NRG3: variants seen among roughly 807,000 people sequenced by gnomAD.
NRG3 encodes neuregulin 3.
NRG3 carries 31 observed loss-of-function variants against 66.9 expected under a neutral mutation model. That is an observed-to-expected ratio of 0.46 (90% CI 0.35 to 0.63). The LOEUF (loss-of-function observed/expected upper bound fraction) is 0.63. Ranked by LOEUF, NRG3 falls within the 20% of genes least tolerant of loss-of-function variation. The pLI is 0.00. For missense variants in NRG3, 910 were observed against 878.9 expected (o/e 1.04, Z -0.45); for synonymous variants, 393 against 359.4 (o/e 1.09, Z -1.06).
intron 1 of NRG3, among the ~76,000 whole-genome samples, chr10:82,321,122 T>G (rs2081545199): frequency 6.6e-6 from 1 of 152,222 alleles, no homozygotes; most frequent in Non-Finnish European, 1.5e-5. Context: ...CACTGTAACA[T>G]GCCCCCTGGG....
At chr10:82,774,839 T>C (rs2135211985) in intron 3 of NRG3, among the ~76,000 whole-genome samples, 1 of 144,396 alleles carries the variant, frequency 6.9e-6, no homozygotes, top group Non-Finnish European at 1.5e-5. Flanking sequence ...TTTTTTTTTT[T>C]TTTGAGATGG....
intron 3 of NRG3, among the ~76,000 whole-genome samples, chr10:82,784,329 A>T (rs1378686714): frequency 6.6e-6 from 1 of 151,060 alleles, no homozygotes; most frequent in Admixed American, 6.6e-5. Flanking sequence ...CACCAAAAGC[A>T]ATGGCAACAA....
At chr10:81,957,243 G>C (rs1182283059) in intron 1 of NRG3, among the ~76,000 whole-genome samples, 1 of 152,128 alleles carries the variant, frequency 6.6e-6, no homozygotes, top group Non-Finnish European at 1.5e-5. Flanking sequence ...GACTGTGAAT[G>C]TGAATAAAAC....
At chr10:82,454,003 C>G (rs1226098219) in intron 2 of NRG3, among the ~76,000 whole-genome samples, 1 of 152,166 alleles carries the variant, frequency 6.6e-6, no homozygotes, top group Non-Finnish European at 1.5e-5. Context: ...ATCCAAAGCT[C>G]TCTTTCATAA....
chr10:82,323,130 C>G (rs1335220938), intron 1 of NRG3, among the ~76,000 whole-genome samples: 1 of 152,190 alleles, frequency 6.6e-6, no homozygotes, highest in Non-Finnish European at 1.5e-5. Context: ...TACTTTCAGT[C>G]TCTAAATTAT....
At chr10:82,381,431 A>G (rs1478853666) in intron 2 of NRG3, among the ~76,000 whole-genome samples, 1 of 152,142 alleles carries the variant, frequency 6.6e-6, no homozygotes, top group Non-Finnish European at 1.5e-5. Flanking sequence ...CATAGCTATC[A>G]TACCCCATTT....
chr10:82,933,611 G>C (rs1847791862), intron 4 of NRG3, among the ~76,000 whole-genome samples: 1 of 152,080 alleles, frequency 6.6e-6, no homozygotes. Flanking sequence ...TCCTAGAACA[G>C]TTTCTAATGT....
chr10:81,958,575 T>C (rs1213137460), intron 1 of NRG3, among the ~76,000 whole-genome samples: 1 of 152,172 alleles, frequency 6.6e-6, no homozygotes, highest in Non-Finnish European at 1.5e-5. Flanking sequence ...ATTTTACTCA[T>C]ATGCGTAAAG....
At chr10:82,623,290 C>T (rs1482403561) in intron 2 of NRG3, among the ~76,000 whole-genome samples, 3 of 152,144 alleles carry the variant, frequency 2.0e-5, no homozygotes, top group Non-Finnish European at 4.4e-5. Flanking sequence ...CAGAATTGGT[C>T]TCTGAGCCCC....
chr10:82,305,321 T>G (rs1025772184), intron 1 of NRG3, among the ~76,000 whole-genome samples: 1 of 152,072 alleles, frequency 6.6e-6, no homozygotes, highest in Non-Finnish European at 1.5e-5. Flanking sequence ...TAAAGCAGGT[T>G]TATAATGTAT....
At chr10:82,763,586 G>T (rs1270347245) in intron 3 of NRG3, among the ~76,000 whole-genome samples, 2 of 151,750 alleles carry the variant, frequency 1.3e-5, no homozygotes, top group Non-Finnish European at 2.9e-5. Flanking sequence ...TACGAGTAAA[G>T]AACATTATCA....
intron 2 of NRG3, among the ~76,000 whole-genome samples, chr10:82,605,495 A>G (rs1009147228): frequency 3.3e-5 from 5 of 151,930 alleles, no homozygotes; most frequent in Non-Finnish European, 7.4e-5. Context: ...ATTTTTGATA[A>G]TTTTTATATA....
chr10:82,349,628 G>T (rs1437485609), intron 1 of NRG3, among the ~76,000 whole-genome samples: 6 of 152,068 alleles, frequency 3.9e-5, no homozygotes, highest in East Asian at 3.9e-4. Flanking sequence ...GTTTACCTAA[G>T]CAAGCCTGGG....
intron 2 of NRG3, among the ~76,000 whole-genome samples, chr10:82,723,967 G>A (rs1013403416): frequency 1.3e-5 from 2 of 150,140 alleles, no homozygotes; most frequent in Admixed American, 6.7e-5. Flanking sequence ...GCGACAGAGC[G>A]AGACTCCATC....
At chr10:82,032,995 A>AT (rs2062637806) in intron 1 of NRG3, among the ~76,000 whole-genome samples, 2 of 152,148 alleles carry the variant, frequency 1.3e-5, no homozygotes. Flanking sequence ...AAATGAACAC[A>AT]TATTAAATAT....
intron 1 of NRG3, among the ~76,000 whole-genome samples, chr10:81,968,086 C>T (rs1564698441): frequency 6.6e-6 from 1 of 152,102 alleles, no homozygotes; most frequent in Non-Finnish European, 1.5e-5. Context: ...GATTAAAAAC[C>T]ACAGAATGTC....
chr10:82,014,005 A>C (rs1444785789), intron 1 of NRG3, among the ~76,000 whole-genome samples: 2 of 152,308 alleles, frequency 1.3e-5, no homozygotes, highest in East Asian at 3.9e-4. Flanking sequence ...CTGAGAGTAG[A>C]AGCGTTTGGG....
Position 82,822,525 on chromosome 10 carries a change from A to G in NRG3, c.1028-42886A>G, listed in dbSNP as rs137928071. Among the ~76,000 whole-genome samples, 13 of 152,068 alleles carry G rather than the reference A, an allele frequency of 8.5e-5. No homozygotes were observed. In the East Asian group the frequency reaches 2.5e-3, roughly 29 times the overall value. Reference sequence around the variant, plus strand: ...TCTGGGGTCATAACTTGCTCTACACAATTGTTCTGAAGGTGATTGCAGGTG... The same window carrying G: ...TCTGGGGTCATAACTTGCTCTACACGATTGTTCTGAAGGTGATTGCAGGTG... On this transcript the variant is annotated intron_variant, in intron 3 of 8. Transcript: ENST00000372141.
At chr10:82,453,008 A>G (rs911455750) in intron 2 of NRG3, among the ~76,000 whole-genome samples, 1 of 152,120 alleles carries the variant, frequency 6.6e-6, no homozygotes, top group African/African-American at 2.4e-5. Flanking sequence ...AGACAGTTCT[A>G]TACTCTAAAA....
Sources: gnomAD v4.1 joint callset for allele counts (sites outside exome capture counted in the v4.1 genomes callset) on GRCh38, gnomAD v4.1.1 for gene constraint, MANE v1.5 for transcripts, NCBI Gene and HGNC (gene_info 2026-07-23, HGNC 2026-07-21) for gene names.